Variants in NACC2 observed in about 807,000 individuals in gnomAD.
The protein encoded by NACC2 is NACC family member 2.
NACC2 carries 8 observed loss-of-function variants against 25.1 expected under a neutral mutation model. The ratio of observed to expected loss-of-function variants is 0.32; its 90% confidence interval spans 0.19 to 0.57. NACC2 has a LOEUF of 0.57. NACC2 is among the 20% of genes least tolerant of loss of function. The pLI is 0.89. For missense variants in NACC2, 644 were observed against 650.2 expected, an observed-to-expected ratio of 0.99 and a Z score of 0.10; for synonymous variants, 435 against 294.7, an observed-to-expected ratio of 1.48 and a Z score of -4.88.
chr9:136,052,570 C>T (rs1427680477), intron 1 of NACC2, among the ~76,000 whole-genome samples: 7 of 152,088 alleles, frequency 4.6e-5, no homozygotes, highest in African/African-American at 7.2e-5. Context: ...GTCCTGGGGG[C>T]CTTAGAGCTG....
intron 1 of NACC2, among the ~76,000 whole-genome samples, chr9:136,069,222 T>C (rs1841122366): frequency 6.6e-6 from 1 of 151,702 alleles, no homozygotes; most frequent in Admixed American, 6.6e-5. Context: ...GAGTTTCTTT[T>C]AGATAGCATA....
intron 1 of NACC2, among the ~76,000 whole-genome samples, chr9:136,088,896 C>G (rs1425857743): frequency 6.6e-6 from 1 of 152,214 alleles, no homozygotes; most frequent in Non-Finnish European, 1.5e-5. Flanking sequence ...GAAGGTTTCC[C>G]GGAGGAGACA....
intron 1 of NACC2, among the ~76,000 whole-genome samples, chr9:136,094,635 G>A (rs952906742): frequency 1.3e-5 from 2 of 152,288 alleles, no homozygotes; most frequent in Middle Eastern, 3.4e-3. Context: ...GAGTGGGGGA[G>A]GCGCGGGAGG....
At chr9:136,042,550 C>T (rs903357018) in intron 2 of NACC2, among the ~76,000 whole-genome samples, 1 of 152,184 alleles carries the variant, frequency 6.6e-6, no homozygotes, top group Admixed American at 6.5e-5. Flanking sequence ...CACTACCTGA[C>T]CCCTTCTGCA....
intron 1 of NACC2, among the ~76,000 whole-genome samples, chr9:136,071,514 G>A (rs556618742): frequency 1.1e-3 from 135 of 123,896 alleles, no homozygotes; most frequent in African/African-American, 4.0e-3. Flanking sequence ...ATGCACTCCA[G>A]CCTGGATGAT....
intron 3 of NACC2, among the ~76,000 whole-genome samples, chr9:136,016,012 TAAAACAC>T: frequency 6.6e-6 from 1 of 152,048 alleles, no homozygotes; most frequent in Non-Finnish European, 1.5e-5. Flanking sequence ...TGACCTAAAT[TAAAACAC>T]ATTGTGATTG....
intron 1 of NACC2, among the ~76,000 whole-genome samples, chr9:136,051,243 C>T (rs1470532662): frequency 6.6e-6 from 1 of 152,210 alleles, no homozygotes; most frequent in Non-Finnish European, 1.5e-5. Flanking sequence ...GAGAGACCAC[C>T]CTGGGCGCGC....
At chr9:136,028,952 C>T (rs539228372) in intron 2 of NACC2, among the ~76,000 whole-genome samples, 104 of 152,308 alleles carry the variant, frequency 6.8e-4, no homozygotes, top group African/African-American at 2.4e-3. Flanking sequence ...TGGGCACCGT[C>T]GAGCACAAGA....
At chr9:136,082,126 CTCA>C (rs2131186521) in intron 1 of NACC2, among the ~76,000 whole-genome samples, 1 of 152,378 alleles carries the variant, frequency 6.6e-6, no homozygotes, top group African/African-American at 2.4e-5. Flanking sequence ...CCTGGGTCAG[CTCA>C]TCACTAAAGC....
intron 2 of NACC2, among the ~76,000 whole-genome samples, chr9:136,024,864 G>A (rs1840363046): frequency 6.6e-6 from 1 of 152,192 alleles, no homozygotes. Flanking sequence ...GAGCAGCTGA[G>A]GCGGCAGGGC....
chr9:136,032,209 A>C (rs1454206380), intron 2 of NACC2, among the ~76,000 whole-genome samples: 1 of 152,238 alleles, frequency 6.6e-6, no homozygotes, highest in East Asian at 1.9e-4. Context: ...GGCATGTATA[A>C]CAGAAGGCTG....
In NACC2 at chr9:136,049,628, C is replaced by T. The variant is rs1840785317; in HGVS notation, c.886+8G>A. 2 of 772,356 alleles carry T rather than the reference C, an allele frequency of 2.6e-6. No homozygotes were observed. The highest frequency in any genetic ancestry group is 4.8e-6 in the Non-Finnish European group (2 of 414,326). 47.8% of individuals were successfully genotyped at this position (772,356 alleles called of 1,614,324 possible). ...CAGGTGGTGTGGGGCTCCACCCCGC[C>T]GCGTTACCTGCATAGCTGCCGGAGG... On this transcript the variant is annotated splice_region_variant and intron_variant, in intron 2 of 5. Transcript: ENST00000277554.
intron 1 of NACC2, among the ~76,000 whole-genome samples, chr9:136,051,212 C>T (rs1286181731): frequency 2.0e-5 from 3 of 152,188 alleles, no homozygotes; most frequent in African/African-American, 7.2e-5. Flanking sequence ...GCTGAAGCCG[C>T]GTCCACTCCT....
At chr9:136,094,901 C>G (rs1218532553) in intron 1 of NACC2, among the ~76,000 whole-genome samples, 1 of 149,858 alleles carries the variant, frequency 6.7e-6, no homozygotes, top group Non-Finnish European at 1.5e-5. Context: ...GCCGGGGTCT[C>G]CCCGAACGCG....
At chr9:136,085,433 C>A (rs1036133217) in intron 1 of NACC2, among the ~76,000 whole-genome samples, 18 of 150,966 alleles carry the variant, frequency 1.2e-4, no homozygotes, top group African/African-American at 4.1e-4. Context: ...GCGGGGAGAT[C>A]ACCTGAGCCC....
At chr9:136,017,118 C>T (rs1046285824) in intron 2 of NACC2, among the ~76,000 whole-genome samples, 3 of 152,104 alleles carry the variant, frequency 2.0e-5, no homozygotes, top group Non-Finnish European at 2.9e-5. Flanking sequence ...CTGGCCGACA[C>T]GCCACCGCCA....
chr9:136,041,540 A>C (rs1840632881), intron 2 of NACC2, among the ~76,000 whole-genome samples: 1 of 150,938 alleles, frequency 6.6e-6, no homozygotes, highest in Non-Finnish European at 1.5e-5. Flanking sequence ...ATTGAACCAA[A>C]GTGCCCAGAA....
At chr9:136,021,854 C>T (rs956956878) in intron 2 of NACC2, among the ~76,000 whole-genome samples, 2 of 152,240 alleles carry the variant, frequency 1.3e-5, no homozygotes. Context: ...TGATTACATA[C>T]TGGTGATCCC....
In NACC2 at chr9:136,050,530, G is replaced by A; in HGVS notation, c.-9C>T. ...TGCAGCATCTGAGACATGGCGGGCGGGCAGCGGCGGGGCTGGGCTCTCAGC... is the reference window on the plus strand; with the variant it reads ...TGCAGCATCTGAGACATGGCGGGCGAGCAGCGGCGGGGCTGGGCTCTCAGC... On this transcript the variant is annotated 5_prime_UTR_variant, in exon 2 of 6. Coordinates refer to ENST00000277554, the MANE Select transcript of NACC2 (RefSeq NM_144653.5). 2 of 758,442 alleles carry A rather than the reference G, an allele frequency of 2.6e-6. No homozygotes were observed. The highest frequency in any genetic ancestry group is 4.8e-6 in the Non-Finnish European group (2 of 415,648). The allele number at this position is 758,442 out of a possible 1,614,324, so 47.0% of individuals were successfully genotyped here.
Sources: allele counts gnomAD v4.1 joint callset (sites outside exome capture counted in the v4.1 genomes callset), GRCh38; gene constraint gnomAD v4.1.1; transcripts MANE v1.5; gene names NCBI Gene and HGNC (gene_info 2026-07-23, HGNC 2026-07-21).